Variants in FRK observed in about 807,000 individuals in gnomAD.
FRK encodes the protein tyrosine-protein kinase FRK.
FRK carries 51 observed loss-of-function variants against 56.4 expected under a neutral mutation model. The ratio of observed to expected loss-of-function variants is 0.90; its 90% CI spans 0.72 to 1.14. The LOEUF (loss-of-function observed/expected upper bound fraction) is 1.14. FRK is among the 50% of genes most tolerant of loss of function. The probability of loss-of-function intolerance (pLI) is 0.00; values close to 1 mark genes in which losing one functional copy is unlikely to be tolerated. For missense variants in FRK, 570 were observed against 601.4 expected, an observed-to-expected ratio of 0.95 and a Z score of 0.55; for synonymous variants, 245 against 217.9, an observed-to-expected ratio of 1.12 and a Z score of -1.10.
chr6:115,994,336 G>T (rs201077990), intron 2 of FRK, among the ~76,000 whole-genome samples: 2 of 28,050 alleles, frequency 7.1e-5, no homozygotes, highest in Admixed American at 4.4e-4. Context: ...CCCCCCCCCC[G>T]CCTTTTTTTT....
At chr6:115,948,107 C>T (rs1327382968) in intron 5 of FRK, among the ~76,000 whole-genome samples, 1 of 152,204 alleles carries the variant, frequency 6.6e-6, no homozygotes, top group Non-Finnish European at 1.5e-5. Flanking sequence ...CTTTGCCTTA[C>T]AGATAATCTC....
chr6:116,023,315 T>C lies in FRK; in HGVS notation c.345-19317A>G, dbSNP rs557731199. ...TTTACTTAAGAAAAATGAAAGCATATGGCCACAAGTAGACTTGCACAAAAA... is the reference window on the plus strand; with the variant it reads ...TTTACTTAAGAAAAATGAAAGCATACGGCCACAAGTAGACTTGCACAAAAA... On this transcript the variant is annotated intron_variant, in intron 1 of 7. Transcript: ENST00000606080. Among the ~76,000 whole-genome samples the C allele has an allele frequency of 4.5e-4, 69 of 152,312 alleles. 1 individual carries two copies. The South Asian group carries it at 0.014, about 31-fold the overall frequency.
At position 115,940,404 on chromosome 6, in the gene FRK, A is replaced by C. The variant is rs1772134752; in HGVS notation, c.*2010T>G. ...GAAGAAAACCTAGGCAACACCATTCAGGACATAGGCATTGGAAAAGACATC... is the reference window on the plus strand; with the variant it reads ...GAAGAAAACCTAGGCAACACCATTCCGGACATAGGCATTGGAAAAGACATC... On this transcript the variant is annotated 3_prime_UTR_variant, in exon 8 of 8. Transcript: ENST00000606080. 6.6e-6 allele frequency: 1 copy of C among 152,258 alleles called. No homozygotes were observed. Among genetic ancestry groups the C allele is most frequent in the African/African-American group, 2.4e-5 (1 of 41,460 alleles). 9.4% of individuals were successfully genotyped at this position (152,258 alleles called of 1,614,324 possible).
chr6:116,100,206 T>C, the FRK span, among the ~76,000 whole-genome samples: 157 of 152,358 alleles, frequency 1.0e-3, no homozygotes, highest in Middle Eastern at 3.4e-3. Context: ...TAATAACCAA[T>C]ATTGGTTTCC....
At chr6:116,070,976 G>A in the FRK span, among the ~76,000 whole-genome samples, 1 of 152,016 alleles carries the variant, frequency 6.6e-6, no homozygotes, top group East Asian at 1.9e-4. Context: ...TCATAATAAT[G>A]ATGTTTTAGC....
At chr6:115,993,985 T>C (rs1360321339) in intron 2 of FRK, among the ~76,000 whole-genome samples, 5 of 152,070 alleles carry the variant, frequency 3.3e-5, no homozygotes, top group African/African-American at 1.2e-4. Flanking sequence ...CAGTGAATTA[T>C]GTCTCAAATG....
In FRK at chr6:116,060,065, T is replaced by C. The variant is rs749797183; in HGVS notation, c.247A>G (p.Arg83Gly). The C allele has an allele frequency of 5.6e-6, 9 of 1,614,178 alleles. No homozygotes were observed. Among genetic ancestry groups the C allele is most frequent in the Middle Eastern group, 1.6e-4 (1 of 6,062 alleles). ...DTLHEGWWFARHLEKRRDGSS... is the reference protein window; with the variant it reads ...DTLHEGWWFAGHLEKRRDGSS... ...CCATCTCGTCTTTTCTCCAAGTGTC[T>C]GGCAAACCACCAGCCCTCATGCAAA... is the stretch of plus-strand genomic sequence containing the variant. The change falls in exon 1 of 8, where the codon AGA (arginine) becomes GGA (glycine). Residue 83 changes from arginine to glycine, a missense_variant. By Grantham distance (125) the Arg-to-Gly change is moderately radical. Coordinates refer to ENST00000606080, the MANE Select transcript of FRK (RefSeq NM_002031.3).
intron 1 of FRK, among the ~76,000 whole-genome samples, chr6:116,026,092 C>T (rs1388613873): frequency 6.6e-6 from 1 of 152,144 alleles, no homozygotes; most frequent in African/African-American, 2.4e-5. Context: ...TAAAAGTAAT[C>T]TACCAATAAC....
Position 115,956,585 on chromosome 6 carries a change from C to G in FRK, c.825G>C (p.Leu275=). ...KPGSMDPNDF[L]REAQIMKNLR... ...GGTTCTTCATTATCTGTGCCTCCCT[C>G]AGGAAGTCATTTGGATCCATTGAAC... The change falls in exon 5 of 8, where the codon CTG becomes CTC. Residue 275 remains leucine, a synonymous_variant. Coordinates refer to ENST00000606080, the MANE Select transcript of FRK (RefSeq NM_002031.3). 1 of 1,576,170 alleles carries G rather than the reference C, an allele frequency of 6.3e-7. No homozygotes were observed. The highest frequency in any genetic ancestry group is 8.6e-7 in the Non-Finnish European group (1 of 1,162,366).
the FRK span, among the ~76,000 whole-genome samples, chr6:116,088,923 T>C: frequency 2.0e-5 from 3 of 152,344 alleles, no homozygotes; most frequent in East Asian, 5.8e-4. Flanking sequence ...CCACATTGAC[T>C]GGATCACAGT....
the FRK span, among the ~76,000 whole-genome samples, chr6:116,093,536 G>A: frequency 7.4e-4 from 113 of 152,294 alleles, no homozygotes; most frequent in African/African-American, 2.6e-3. Context: ...GAGATACCTG[G>A]TATCTTAGTC....
At chr6:115,946,931 C>G (rs1772479170) in intron 5 of FRK, among the ~76,000 whole-genome samples, 1 of 152,004 alleles carries the variant, frequency 6.6e-6, no homozygotes, top group South Asian at 2.1e-4. Context: ...AGCAGTTTGA[C>G]TGGAGATCAG....
intron 4 of FRK, among the ~76,000 whole-genome samples, 177 bp downstream of exon 4, chr6:115,967,374 C>A (rs1773620755): frequency 6.6e-6 from 1 of 152,086 alleles, no homozygotes; most frequent in Non-Finnish European, 1.5e-5. Flanking sequence ...GAAGTGTGTT[C>A]TTGTTTTTAT....
the FRK span, among the ~76,000 whole-genome samples, chr6:116,096,364 T>C: frequency 1.3e-5 from 2 of 152,204 alleles, no homozygotes; most frequent in African/African-American, 4.8e-5. Context: ...ATTTTTTGTG[T>C]CTAGCTAAAG....
At chr6:116,028,092 C>T (rs1369268950) in intron 1 of FRK, among the ~76,000 whole-genome samples, 1 of 152,154 alleles carries the variant, frequency 6.6e-6, no homozygotes, top group East Asian at 1.9e-4. Context: ...GGAGGTTTTC[C>T]CCACACACCA....
the FRK span, among the ~76,000 whole-genome samples, chr6:116,099,733 T>C: frequency 1.3e-5 from 2 of 152,234 alleles, no homozygotes; most frequent in Non-Finnish European, 1.5e-5. Flanking sequence ...GATTGGTCTA[T>C]TAGCCTCAGA....
chr6:116,036,193 G>A (rs1200559506), intron 1 of FRK, among the ~76,000 whole-genome samples: 1 of 152,064 alleles, frequency 6.6e-6, no homozygotes, highest in Admixed American at 6.5e-5. Context: ...TTCCTTCTTT[G>A]CTTAGACAAA....
chr6:116,000,965 C>T (rs1335229511), intron 2 of FRK, among the ~76,000 whole-genome samples: 5 of 152,200 alleles, frequency 3.3e-5, no homozygotes, highest in South Asian at 4.2e-4. Flanking sequence ...TTGGGCCGGG[C>T]GTGGTGGTTC....
the FRK span, among the ~76,000 whole-genome samples, chr6:116,083,494 G>T: frequency 6.6e-6 from 1 of 152,156 alleles, no homozygotes; most frequent in Non-Finnish European, 1.5e-5. Flanking sequence ...GGATGCATAA[G>T]TCTAGTGCCT....
Sources: allele counts gnomAD v4.1 joint callset (sites outside exome capture counted in the v4.1 genomes callset), GRCh38; gene constraint gnomAD v4.1.1; transcripts MANE v1.5; gene names NCBI Gene and HGNC (gene_info 2026-07-23, HGNC 2026-07-21).